The following HCN1 variants were observed in gnomAD, a reference collection of about 807,000 sequenced individuals.
HCN1 encodes the protein potassium/sodium hyperpolarization-activated cyclic nucleotide-gated channel 1.
In HCN1, 13 loss-of-function variants were observed where a neutral mutation model predicts 78.9. The observed-to-expected ratio is 0.16, with a 90% CI of 0.11 to 0.26. HCN1 has a LOEUF of 0.26. HCN1 is among the 10% of genes least tolerant of loss of function. HCN1 has a pLI of 1.00. For synonymous variants in HCN1, 552 were observed against 455.5 expected (o/e 1.21, Z -2.70); for missense variants, 810 against 1,154.3 (o/e 0.70, Z 4.32).
At chr5:45,441,453 C>A (rs1459091789) in intron 3 of HCN1, among the ~76,000 whole-genome samples, 1 of 151,930 alleles carries the variant, frequency 6.6e-6, no homozygotes, top group African/African-American at 2.4e-5. Context: ...TAGATTGATA[C>A]TATTTAATAC....
rs1434388686 is a variant in HCN1, at chr5:45,258,915, A to T, written c.*3006T>A. On this transcript the variant is annotated 3_prime_UTR_variant, in exon 8 of 8. Transcript: ENST00000303230. ...CAGGACAATTATTTACCATTATTAC[A>T]GGAAAATTATTTCTCATCTGTATAT... 2 of 152,080 alleles carry T rather than the reference A, an allele frequency of 1.3e-5. No individual in the cohort carries two copies. The highest frequency in any genetic ancestry group is 3.8e-4 in the East Asian group (2 of 5,200). 9.4% of individuals were successfully genotyped at this position (152,080 alleles called of 1,614,324 possible).
intron 5 of HCN1, among the ~76,000 whole-genome samples, chr5:45,330,480 CAT>C (rs1381479322): frequency 6.6e-6 from 1 of 150,432 alleles, no homozygotes; most frequent in Non-Finnish European, 1.5e-5. Flanking sequence ...GATGATTTTA[CAT>C]ATATATGTTT....
At chr5:45,288,202 A>T (rs1428136461) in intron 6 of HCN1, among the ~76,000 whole-genome samples, 1 of 152,054 alleles carries the variant, frequency 6.6e-6, no homozygotes, top group Admixed American at 6.6e-5. Context: ...TCCACGAAAA[A>T]AAGTGGCAGT....
rs570084465 is a variant in HCN1, at chr5:45,683,777, C to G, written c.425+11892G>C. On this transcript the variant is annotated intron_variant, in intron 1 of 7. Transcript: ENST00000303230. ...CCTCAACCTGCTGGGATCAAGTGAT[C>G]TTCCCACCCCAGCCTCCCAAGTTGC... 2.0e-5 allele frequency among the ~76,000 whole-genome samples: 3 copies of G among 151,742 alleles called. No individual in the cohort carries two copies. The East Asian group carries it at 5.8e-4, about 30-fold the overall frequency.
intron 2 of HCN1, among the ~76,000 whole-genome samples, chr5:45,465,473 T>C (rs1741248260): frequency 6.6e-6 from 1 of 152,002 alleles, no homozygotes; most frequent in Non-Finnish European, 1.5e-5. Flanking sequence ...AGTAAGTTTT[T>C]CAGCCAGGTG....
intron 1 of HCN1, among the ~76,000 whole-genome samples, chr5:45,648,951 AC>A (rs1745624919): frequency 1.3e-5 from 2 of 151,980 alleles, no homozygotes; most frequent in East Asian, 3.9e-4. Context: ...TTAAACGAAA[AC>A]AACTTAGTCT....
At chr5:45,538,933 G>A (rs921656664) in intron 2 of HCN1, among the ~76,000 whole-genome samples, 29 of 152,142 alleles carry the variant, frequency 1.9e-4, no homozygotes, top group Admixed American at 5.9e-4. Context: ...TAAGTCACAT[G>A]TTAATTTTGT....
chr5:45,375,269 T>C (rs1747594816), intron 4 of HCN1, among the ~76,000 whole-genome samples: 1 of 117,808 alleles, frequency 8.5e-6, no homozygotes, highest in Non-Finnish European at 1.6e-5. Flanking sequence ...TATTTTATAA[T>C]ATATAATATA....
rs185134380 is a variant in HCN1 at position 45,302,782 on chromosome 5, A to G, written c.1618+817T>C. ...TGAATCATGGGGGCTGGTCTTTCCC[A>G]TGCTATTCTTATGATAGGGAATAAG... On this transcript the variant is annotated intron_variant, in intron 6 of 7. Transcript: ENST00000303230. Among the ~76,000 whole-genome samples, 10 of 152,050 alleles carry G rather than the reference A, an allele frequency of 6.6e-5. No homozygotes were observed. In the East Asian group the frequency reaches 1.8e-3, roughly 27 times the overall value.
At chr5:45,641,243 C>T (rs1050123006) in intron 2 of HCN1, among the ~76,000 whole-genome samples, 7 of 152,202 alleles carry the variant, frequency 4.6e-5, no homozygotes, top group Non-Finnish European at 1.0e-4. Flanking sequence ...TTCTACTCTA[C>T]ACCAATTTGA....
intron 2 of HCN1, among the ~76,000 whole-genome samples, chr5:45,539,692 A>AT (rs1561193844): frequency 4.7e-5 from 7 of 148,168 alleles, no homozygotes; most frequent in African/African-American, 1.5e-4. Flanking sequence ...ACAATATTTT[A>AT]AAAAATATTA....
intron 2 of HCN1, among the ~76,000 whole-genome samples, chr5:45,511,046 ATTTTTAAC>A (rs1742405711): frequency 6.6e-6 from 1 of 152,088 alleles, no homozygotes; most frequent in Non-Finnish European, 1.5e-5. Context: ...TTAATGATAA[ATTTTTAAC>A]TTTATAAAAG....
chr5:45,502,238 C>A (rs976317820), intron 2 of HCN1, among the ~76,000 whole-genome samples: 2 of 151,364 alleles, frequency 1.3e-5, no homozygotes, highest in African/African-American at 4.9e-5. Flanking sequence ...GAGGCCGAGG[C>A]GGGCGGATCA....
intron 5 of HCN1, among the ~76,000 whole-genome samples, chr5:45,315,241 G>C (rs1337703400): frequency 5.3e-5 from 8 of 152,152 alleles, no homozygotes; most frequent in Admixed American, 2.6e-4. Flanking sequence ...AATCAAACTA[G>C]AACTCAGGAT....
intron 1 of HCN1, among the ~76,000 whole-genome samples, chr5:45,686,124 T>C (rs953887642): frequency 8.0e-6 from 1 of 125,742 alleles, no homozygotes; most frequent in Non-Finnish European, 1.6e-5. Context: ...TATATATATA[T>C]TTTTTTCTAT....
At chr5:45,673,252 A>C (rs1270826049) in intron 1 of HCN1, among the ~76,000 whole-genome samples, 1 of 151,578 alleles carries the variant, frequency 6.6e-6, no homozygotes, top group Non-Finnish European at 1.5e-5. Flanking sequence ...CAAAGACTAC[A>C]TCATGTCAAG....
chr5:45,598,265 A>T (rs538083496), intron 2 of HCN1, among the ~76,000 whole-genome samples: 167 of 152,284 alleles, frequency 1.1e-3, no homozygotes, highest in African/African-American at 3.9e-3. Flanking sequence ...AAGACCACGC[A>T]TCTACAATCA....
chr5:45,433,567 A>G (rs1346237836), intron 3 of HCN1, among the ~76,000 whole-genome samples: 2 of 151,888 alleles, frequency 1.3e-5, no homozygotes, highest in Admixed American at 6.6e-5. Context: ...CATTTAGCCT[A>G]TTTACATTCA....
In HCN1 at chr5:45,256,629, A is replaced by C. The variant is rs1352547879; in HGVS notation, c.*5292T>G. On this transcript the variant is annotated 3_prime_UTR_variant, in exon 8 of 8. Transcript: ENST00000303230. ...ACTGCAGCCTTGACCTCCTAAGTTC[A>C]AGCGATCCTCCTGCCTTAACTTTCT... 6.6e-6 allele frequency: 1 copy of C among 152,262 alleles called. No homozygotes were observed. The highest frequency in any genetic ancestry group is 2.4e-5 in the African/African-American group (1 of 41,444). 9.4% of individuals were successfully genotyped at this position (152,262 alleles called of 1,614,324 possible).
Sources: gnomAD v4.1 joint callset for allele counts (sites outside exome capture counted in the v4.1 genomes callset) on GRCh38, gnomAD v4.1.1 for gene constraint, MANE v1.5 for transcripts, NCBI Gene and HGNC (gene_info 2026-07-23, HGNC 2026-07-21) for gene names.